The following SPECC1 variants were observed in gnomAD, a reference collection of about 807,000 sequenced individuals.
The protein encoded by SPECC1 is sperm antigen with calponin homology and coiled-coil domains 1, also known as cytospin-B.
A neutral mutation model predicts 104.1 loss-of-function variants in SPECC1; 62 were observed. The observed-to-expected ratio is 0.60, with a 90% CI of 0.49 to 0.74. The LOEUF is 0.74. Ranked by LOEUF, SPECC1 falls within the 30% of genes least tolerant of loss-of-function variation. SPECC1 has a pLI of 0.00. For missense variants in SPECC1, 1,306 were observed against 1,310.5 expected (o/e 1.00, Z 0.05); for synonymous variants, 513 against 501.6 (o/e 1.02, Z -0.30).
At chr17:20,161,025 A>G (rs777088686) in intron 3 of SPECC1, among the ~76,000 whole-genome samples, 2 of 152,174 alleles carry the variant, frequency 1.3e-5, no homozygotes, top group South Asian at 2.1e-4. Context: ...AGCCTGGCCA[A>G]CATGGTGAAA....
intron 3 of SPECC1, chr17:20,156,268 C>T: frequency 7.7e-7 from 1 of 1,297,992 alleles, no homozygotes; most frequent in Non-Finnish European, 9.8e-7. Flanking sequence ...CGCGCCGCAG[C>T]CGCAACCCCA....
At chr17:20,159,534 C>T (rs1232563329) in intron 3 of SPECC1, among the ~76,000 whole-genome samples, 3 of 152,220 alleles carry the variant, frequency 2.0e-5, no homozygotes, top group Non-Finnish European at 4.4e-5. Context: ...GGAAGCTCCT[C>T]ATCCCCTCTG....
At chr17:20,308,435 G>A (rs2041838273) in intron 14 of SPECC1, among the ~76,000 whole-genome samples, 1 of 149,552 alleles carries the variant, frequency 6.7e-6, no homozygotes, top group African/African-American at 2.5e-5. Context: ...AAAGCATGTG[G>A]GGAATCTGAG....
chr17:20,159,193 ACT>A (rs1277029026), intron 3 of SPECC1, among the ~76,000 whole-genome samples: 3 of 151,684 alleles, frequency 2.0e-5, no homozygotes, highest in African/African-American at 7.3e-5. Context: ...GATCTGCCTG[ACT>A]CAGCCTCCCA....
At chr17:20,117,563 G>C (rs1271017294) in intron 3 of SPECC1, among the ~76,000 whole-genome samples, 1 of 152,006 alleles carries the variant, frequency 6.6e-6, no homozygotes, top group Non-Finnish European at 1.5e-5. Flanking sequence ...AAAGTGGGAG[G>C]ATTGCTTGAG....
intron 3 of SPECC1, among the ~76,000 whole-genome samples, chr17:20,196,862 C>T (rs181607081): frequency 2.0e-4 from 30 of 152,286 alleles, no homozygotes; most frequent in Non-Finnish European, 3.7e-4. Flanking sequence ...ATAATTTAGA[C>T]TGAATGTTTT....
At chr17:20,238,845 T>C (rs2039060921) in intron 7 of SPECC1, 9 of 1,045,348 alleles carry the variant, frequency 8.6e-6, no homozygotes, top group Non-Finnish European at 1.0e-5. Context: ...AATATTTTTA[T>C]CTGTAAGCAT....
chr17:20,077,985 C>T (rs891373345), intron 1 of SPECC1, among the ~76,000 whole-genome samples: 4 of 151,832 alleles, frequency 2.6e-5, no homozygotes, highest in Non-Finnish European at 5.9e-5. Context: ...AAAACACACA[C>T]ACACACTGAA....
chr17:20,170,340 T>A (rs2033991382), intron 3 of SPECC1, among the ~76,000 whole-genome samples: 1 of 152,232 alleles, frequency 6.6e-6, no homozygotes, highest in African/African-American at 2.4e-5. Flanking sequence ...TCCAGGAAAG[T>A]TTTGAATTCT....
At chr17:20,288,262 A>G (rs1281813389) in intron 12 of SPECC1, among the ~76,000 whole-genome samples, 1 of 152,202 alleles carries the variant, frequency 6.6e-6, no homozygotes, top group African/African-American at 2.4e-5. Context: ...TAACGTGTGC[A>G]TGTATCTTTA....
chr17:20,038,481 C>T (rs1229021137), intron 1 of SPECC1, among the ~76,000 whole-genome samples: 1 of 149,680 alleles, frequency 6.7e-6, no homozygotes, highest in Non-Finnish European at 1.5e-5. Context: ...CTCACTGCAA[C>T]CTCTGCTGCC....
intron 5 of SPECC1, among the ~76,000 whole-genome samples, chr17:20,229,692 A>G (rs1206889774): frequency 6.6e-6 from 1 of 152,234 alleles, no homozygotes; most frequent in East Asian, 1.9e-4. Flanking sequence ...TAAAAAAACC[A>G]AACCAAACAA....
chr17:20,210,521 T>C (rs1047698442), intron 4 of SPECC1, among the ~76,000 whole-genome samples: 3 of 152,210 alleles, frequency 2.0e-5, no homozygotes, highest in Non-Finnish European at 2.9e-5. Flanking sequence ...CCCAGAGCTT[T>C]ACCTTTACAT....
chr17:20,286,649 A>C lies in SPECC1; in HGVS notation c.2941-10312A>C, dbSNP rs141275421. On this transcript the variant is annotated intron_variant, in intron 12 of 14. Transcript: ENST00000395527. The stretch of plus-strand genomic sequence containing the variant: ...CTTGCCCGGCCACCCATGTCCCACA[A>C]ACTGCTGTTTTTCTGCCTGGTGCCC... Among the ~76,000 whole-genome samples, 13 of 152,270 alleles carry C rather than the reference A, an allele frequency of 8.5e-5. No individual in the cohort carries two copies. The East Asian group carries it at 2.5e-3, about 29-fold the overall frequency.
At chr17:20,058,574 G>A (rs558418519) in intron 1 of SPECC1, among the ~76,000 whole-genome samples, 1 of 152,104 alleles carries the variant, frequency 6.6e-6, no homozygotes, top group Non-Finnish European at 1.5e-5. Flanking sequence ...TGGGAGGATC[G>A]CTGGGGCCTG....
chr17:20,199,041 C>T (rs2036223716), intron 3 of SPECC1, among the ~76,000 whole-genome samples: 1 of 146,718 alleles, frequency 6.8e-6, no homozygotes, highest in Admixed American at 6.8e-5. Flanking sequence ...GCCTTCTAGG[C>T]TACATATGTG....
intron 1 of SPECC1, among the ~76,000 whole-genome samples, chr17:20,050,518 T>C (rs1051029019): frequency 3.9e-5 from 6 of 152,266 alleles, no homozygotes; most frequent in African/African-American, 1.2e-4. Flanking sequence ...AGAAGTCTTA[T>C]TGGAATATTT....
At chr17:20,219,438 G>A (rs1266727171) in intron 4 of SPECC1, among the ~76,000 whole-genome samples, 1 of 152,126 alleles carries the variant, frequency 6.6e-6, no homozygotes, top group Non-Finnish European at 1.5e-5. Flanking sequence ...GTGACATTCA[G>A]TATGTTTTCA....
intron 1 of SPECC1, among the ~76,000 whole-genome samples, chr17:20,080,880 G>T (rs971083861): frequency 6.6e-6 from 1 of 151,474 alleles, no homozygotes; most frequent in Non-Finnish European, 1.5e-5. Context: ...GATCAGTGCA[G>T]GGGGGGGTGG....
Sources: gnomAD v4.1 joint callset for allele counts (sites outside exome capture counted in the v4.1 genomes callset) on GRCh38, gnomAD v4.1.1 for gene constraint, MANE v1.5 for transcripts, NCBI Gene and HGNC (gene_info 2026-07-23, HGNC 2026-07-21) for gene names.